SLC4A10: variants seen among roughly 807,000 people sequenced by gnomAD.
SLC4A10 encodes solute carrier family 4 member 10.
In SLC4A10, 42 loss-of-function variants were observed where a neutral mutation model predicts 137.7. That is an observed-to-expected ratio of 0.30 (90% CI 0.24 to 0.39). The LOEUF is 0.39. SLC4A10 is among the 10% of genes least tolerant of loss of function. SLC4A10 has a pLI of 1.00. For synonymous variants in SLC4A10, 474 were observed against 464.1 expected, an observed-to-expected ratio of 1.02 and a Z score of -0.27; for missense variants, 925 against 1,355.0, an observed-to-expected ratio of 0.68 and a Z score of 4.98.
Position 161,983,211 on chromosome 2 carries a change from CAG to C in SLC4A10, c.*60_*61del. 1 of 1,536,696 alleles carries C rather than the reference CAG, an allele frequency of 6.5e-7. No individual in the cohort carries two copies. ...AGCCGAAAAGAGAAGAAAGCTGACTCAGGGAAAGGTGTTGACAGGGAGACTTG... is the reference window on the plus strand; with the variant it reads ...AGCCGAAAAGAGAAGAAAGCTGACTCGGAAAGGTGTTGACAGGGAGACTTG... On this transcript the variant is annotated 3_prime_UTR_variant, in exon 27 of 27. Coordinates refer to ENST00000446997, the MANE Select transcript of SLC4A10 (RefSeq NM_001178015.2).
At position 161,855,041 on chromosome 2, in the gene SLC4A10, C is replaced by T. The variant is rs1197648540; in HGVS notation, c.488C>T (p.Ser163Leu). Reference sequence around the variant, plus strand: ...AGCAAGCCTTATGTGGCTACTCTTTCATTGCACAGCTTGTTTGAATTGAGA... The same window carrying T: ...AGCAAGCCTTATGTGGCTACTCTTTTATTGCACAGCTTGTTTGAATTGAGA... Reference protein sequence around the residue: ...RWSKPYVATLSLHSLFELRSC... With the variant: ...RWSKPYVATLLLHSLFELRSC... Residue 163 changes from serine to leucine, a missense_variant, in exon 5 of 27, where the codon TCA (serine) becomes TTA (leucine). Around this residue, in one of 11 missense-constraint regions of SLC4A10, gnomAD observed 277 missense variants for 306.1 expected, o/e 0.90. Coordinates refer to ENST00000446997, the MANE Select transcript of SLC4A10 (RefSeq NM_001178015.2). 1 of 1,613,368 alleles carries T rather than the reference C, an allele frequency of 6.2e-7. No individual in the cohort carries two copies.
intron 1 of SLC4A10, among the ~76,000 whole-genome samples, chr2:161,632,436 ACAACAAACC>A (rs903877189): frequency 3.3e-5 from 5 of 151,702 alleles, no homozygotes; most frequent in Admixed American, 3.3e-4. Flanking sequence ...CCACATACAC[ACAACAAACC>A]CAACACAGAG....
At chr2:161,761,209 A>G (rs1053061167) in intron 1 of SLC4A10, among the ~76,000 whole-genome samples, 1 of 152,024 alleles carries the variant, frequency 6.6e-6, no homozygotes, top group African/African-American at 2.4e-5. Context: ...TCTATATAGC[A>G]CTGGCTTTCT....
At chr2:161,627,788 T>C (rs2032730996) in intron 1 of SLC4A10, among the ~76,000 whole-genome samples, 1 of 152,088 alleles carries the variant, frequency 6.6e-6, no homozygotes, top group Admixed American at 6.6e-5. Flanking sequence ...CTGCTATGTC[T>C]GAAGTTACAG....
intron 10 of SLC4A10, among the ~76,000 whole-genome samples, chr2:161,894,128 C>G (rs940383977): frequency 6.6e-6 from 1 of 151,972 alleles, no homozygotes; most frequent in Non-Finnish European, 1.5e-5. Flanking sequence ...GTAAGGAACT[C>G]AAGTATCCAT....
chr2:161,842,100 T>A (rs1256956824), intron 4 of SLC4A10, among the ~76,000 whole-genome samples: 2 of 152,204 alleles, frequency 1.3e-5, no homozygotes, highest in Admixed American at 1.3e-4. Flanking sequence ...TTGATAGACA[T>A]TTAGGTTATT....
intron 10 of SLC4A10, among the ~76,000 whole-genome samples, chr2:161,893,185 C>T (rs1207293462): frequency 6.6e-6 from 1 of 152,070 alleles, no homozygotes; most frequent in Non-Finnish European, 1.5e-5. Flanking sequence ...GAAGTACAAT[C>T]TTACCATGTG....
intron 2 of SLC4A10, among the ~76,000 whole-genome samples, chr2:161,771,256 A>G (rs1052058634): frequency 1.3e-5 from 2 of 151,904 alleles, no homozygotes; most frequent in African/African-American, 4.8e-5. Context: ...GCATCAGTTC[A>G]TCCAACAGAC....
chr2:161,826,615 G>A (rs1185026236), intron 3 of SLC4A10, among the ~76,000 whole-genome samples: 2 of 152,122 alleles, frequency 1.3e-5, no homozygotes, highest in Non-Finnish European at 2.9e-5. Flanking sequence ...AGTTATTAAG[G>A]CAATATAAGT....
intron 5 of SLC4A10, among the ~76,000 whole-genome samples, chr2:161,856,919 G>A (rs2060139314): frequency 6.6e-6 from 1 of 152,166 alleles, no homozygotes; most frequent in African/African-American, 2.4e-5. Flanking sequence ...TTTAAAAATA[G>A]ATTAATCCAA....
At chr2:161,767,219 T>TATATATATATACAC (rs2050992440) in intron 1 of SLC4A10, among the ~76,000 whole-genome samples, 2 of 101,682 alleles carry the variant, frequency 2.0e-5, no homozygotes, top group Admixed American at 9.6e-5. Context: ...TATATACACA[T>TATATATATATACAC]ATATATATAT....
At chr2:161,658,663 G>A (rs570606730) in intron 1 of SLC4A10, among the ~76,000 whole-genome samples, 74 of 136,404 alleles carry the variant, frequency 5.4e-4, no homozygotes, top group Non-Finnish European at 9.0e-4. Flanking sequence ...GTACAATCTC[G>A]GCTCACTGCA....
chr2:161,900,839 T>C, intron 11 of SLC4A10, 72 bp from the exon 12 acceptor site: 2 of 1,075,440 alleles, frequency 1.9e-6, no homozygotes, highest in Non-Finnish European at 2.7e-6. Context: ...AAAAATGAAC[T>C]GTTATTATTA....
intron 1 of SLC4A10, among the ~76,000 whole-genome samples, chr2:161,756,153 TCACGTCTTGATGCAATAGA>T (rs2049620942): frequency 6.6e-6 from 1 of 152,188 alleles, no homozygotes; most frequent in South Asian, 2.1e-4. Flanking sequence ...AAGTAAGTGT[TCACGTCTTGATGCAATAGA>T]CACCAAAGAT....
At chr2:161,635,714 T>G (rs2034296081) in intron 1 of SLC4A10, among the ~76,000 whole-genome samples, 1 of 152,184 alleles carries the variant, frequency 6.6e-6, no homozygotes, top group Non-Finnish European at 1.5e-5. Context: ...TAGTTGAAAG[T>G]TTGCTAAACT....
intron 1 of SLC4A10, among the ~76,000 whole-genome samples, chr2:161,754,689 T>G (rs1321638073): frequency 6.6e-6 from 1 of 152,170 alleles, no homozygotes; most frequent in Admixed American, 6.6e-5. Context: ...CTCCACATGA[T>G]TAGGAATAAA....
At chr2:161,887,113 A>G (rs1039366811) in intron 10 of SLC4A10, among the ~76,000 whole-genome samples, 45 of 152,156 alleles carry the variant, frequency 3.0e-4, no homozygotes, top group Non-Finnish European at 2.1e-4. Flanking sequence ...CCTGCAAAGG[A>G]CATGAACGTG....
chr2:161,917,586 A>AAG (rs1024577491), intron 15 of SLC4A10, among the ~76,000 whole-genome samples: 2 of 151,908 alleles, frequency 1.3e-5, no homozygotes, highest in Admixed American at 1.3e-4. Flanking sequence ...TAAAAAAAAA[A>AAG]AAAAAAGAAA....
chr2:161,736,563 A>G (rs1047480623), intron 1 of SLC4A10, among the ~76,000 whole-genome samples: 1 of 152,166 alleles, frequency 6.6e-6, no homozygotes, highest in Admixed American at 6.5e-5. Flanking sequence ...AGCAGGAAAG[A>G]AAAGTGCTGA....
Sources: gnomAD v4.1 joint callset for allele counts (sites outside exome capture counted in the v4.1 genomes callset) on GRCh38, gnomAD v4.1.1 for gene constraint, gnomAD v4.1.1 regional missense constraint, MANE v1.5 for transcripts, NCBI Gene and HGNC (gene_info 2026-07-23, HGNC 2026-07-21) for gene names.